SP1: variants seen among roughly 807,000 people sequenced by gnomAD.
SP1 encodes transcription factor Sp1.
SP1 carries 6 observed loss-of-function variants against 66.3 expected under a neutral mutation model. The observed-to-expected ratio is 0.09, with a 90% CI of 0.05 to 0.18. SP1 has a LOEUF of 0.18. Ranked by LOEUF, SP1 falls within the 10% of genes least tolerant of loss-of-function variation. The pLI is 1.00. For missense variants in SP1, 848 were observed against 964.5 expected, an observed-to-expected ratio of 0.88 and a Z score of 1.60; for synonymous variants, 417 against 360.8, an observed-to-expected ratio of 1.16 and a Z score of -1.77.
At chr12:53,393,765 T>C (rs1220231284) in intron 3 of SP1, among the ~76,000 whole-genome samples, 2 of 151,584 alleles carry the variant, frequency 1.3e-5, no homozygotes, top group East Asian at 3.9e-4. Context: ...GCCCAGCTAA[T>C]TTTTGTATTT....
At chr12:53,405,694 A>G (rs1481188494) in intron 3 of SP1, among the ~76,000 whole-genome samples, 2 of 135,444 alleles carry the variant, frequency 1.5e-5, no homozygotes, top group African/African-American at 7.6e-5. Context: ...AGAGAGAGAG[A>G]GAAGGAAGGA....
At position 53,381,008 on chromosome 12, in the gene SP1, A is replaced by G. The variant is rs1327141744; in HGVS notation, c.8-651A>G. Among the ~76,000 whole-genome samples the G allele has an allele frequency of 2.2e-5, 3 of 139,278 alleles. No homozygotes were observed. In the Admixed American group the frequency reaches 2.2e-4, roughly 10 times the overall value. The allele number at this position is 139,278 out of a possible 152,430, so 91.4% of individuals were successfully genotyped here. A position where few individuals can be genotyped will look rare whatever the true frequency, so the allele number is the denominator to read the frequency against. The stretch of plus-strand genomic sequence containing the variant: ...CTCTTGTTACCCAGACTGGAATGCA[A>G]TGGTGCGATCTCGGCTCACTGCAAC... On this transcript the variant is annotated intron_variant, in intron 1 of 5. Coordinates refer to ENST00000327443, the MANE Select transcript of SP1 (RefSeq NM_138473.3).
At chr12:53,394,488 C>CCTTGACCT (rs1188607942) in intron 3 of SP1, among the ~76,000 whole-genome samples, 1 of 100,476 alleles carries the variant, frequency 1.0e-5, no homozygotes, top group African/African-American at 3.9e-5. Context: ...CTACTGCAGC[C>CCTTGACCT]CTTGACCTCC....
Position 53,380,176 on chromosome 12 carries a change from A to AC in SP1, c.-108dup, listed in dbSNP as rs1322187105. 5.3e-4 allele frequency: 321 copies of AC among 602,368 alleles called. No homozygotes were observed. Among genetic ancestry groups the AC allele is most frequent in the African/African-American group, 1.9e-3 (82 of 43,076 alleles). 37.3% of individuals were successfully genotyped at this position (602,368 alleles called of 1,614,324 possible). On this transcript the variant is annotated 5_prime_UTR_variant, in exon 1 of 6. Coordinates refer to ENST00000327443, the MANE Select transcript of SP1 (RefSeq NM_138473.3). ...TGTGGCGCGCTGCTCCCTCCTCCTT[A>AC]CCCCCCCCTCCCTGTCCGGTCCGGG... is the stretch of plus-strand genomic sequence containing the variant.
At chr12:53,388,834 C>A (rs906750961) in intron 3 of SP1, among the ~76,000 whole-genome samples, 1 of 151,750 alleles carries the variant, frequency 6.6e-6, no homozygotes, top group African/African-American at 2.4e-5. Flanking sequence ...ATGAAAATTA[C>A]CTGAGCATGG....
intron 3 of SP1, among the ~76,000 whole-genome samples, chr12:53,402,964 A>G (rs1355728876): frequency 6.7e-6 from 1 of 149,738 alleles, no homozygotes; most frequent in Non-Finnish European, 1.5e-5. Flanking sequence ...CAGAGATTCC[A>G]TCTCAGAAAA....
intron 3 of SP1, among the ~76,000 whole-genome samples, chr12:53,384,079 C>T (rs1938171650): frequency 6.6e-6 from 1 of 150,926 alleles, no homozygotes; most frequent in South Asian, 2.1e-4. Context: ...ACGCCATTCT[C>T]CTGCCTCAGC....
chr12:53,385,929 T>A (rs1727951657), intron 3 of SP1, among the ~76,000 whole-genome samples: 1 of 148,446 alleles, frequency 6.7e-6, no homozygotes, highest in East Asian at 2.0e-4. Flanking sequence ...AAAAAAAAAA[T>A]TGATTATGAA....
rs180925469 is a variant in SP1, at chr12:53,400,874, G to A, written c.1676-5711G>A. ...CCTCCCAGGTTCACGCCATTCTCCT[G>A]CCTCAGCCTCCTGAGTAGCTGGTAC... On this transcript the variant is annotated intron_variant, in intron 3 of 5. Transcript: ENST00000327443. Among the ~76,000 whole-genome samples, 62 of 149,104 alleles carry A rather than the reference G, an allele frequency of 4.2e-4. 1 individual carries two copies. In the East Asian group the frequency reaches 0.012, roughly 29 times the overall value.
intron 3 of SP1, among the ~76,000 whole-genome samples, chr12:53,404,542 C>CA (rs373558863): frequency 0.26 from 25,022 of 95,442 alleles, 2,217 homozygotes; most frequent in Admixed American, 0.3. Context: ...AACTCAGTCT[C>CA]AAAAAAAAAA....
intron 3 of SP1, among the ~76,000 whole-genome samples, chr12:53,387,528 T>C (rs1360039050): frequency 6.6e-6 from 1 of 152,158 alleles, no homozygotes; most frequent in Non-Finnish European, 1.5e-5. Flanking sequence ...AAGTTAGAGC[T>C]GGAAGGGACT....
chr12:53,381,540 A>G (rs924030207), intron 1 of SP1, 119 bp from the exon 2 acceptor site: 3 of 855,098 alleles, frequency 3.5e-6, no homozygotes, highest in Admixed American at 3.0e-5. Flanking sequence ...TTTTCTTTAT[A>G]CTGGTGGCTT....
rs965722062 is a variant in SP1 at position 53,413,397 on chromosome 12, A to G, written c.*2157A>G. ...TACAAATAGATGATGGTATGATTCTATTATATATTTTATATAAAATCCATC... is the reference window on the plus strand; with the variant it reads ...TACAAATAGATGATGGTATGATTCTGTTATATATTTTATATAAAATCCATC... On this transcript the variant is annotated 3_prime_UTR_variant, in exon 6 of 6. Transcript: ENST00000327443. 6.6e-6 allele frequency: 1 copy of G among 152,440 alleles called. No individual in the cohort carries two copies. Among genetic ancestry groups the G allele is most frequent in the African/African-American group, 2.4e-5 (1 of 41,442 alleles). 9.4% of individuals were successfully genotyped at this position (152,440 alleles called of 1,614,324 possible).
intron 1 of SP1, chr12:53,381,350 T>A (rs1262121128): frequency 2.4e-5 from 5 of 205,808 alleles, no homozygotes; most frequent in Non-Finnish European, 4.9e-5. Context: ...CTTAGGATAC[T>A]TTTTCTTATT....
At chr12:53,390,843 AG>A (rs1938333024) in intron 3 of SP1, among the ~76,000 whole-genome samples, 1 of 152,152 alleles carries the variant, frequency 6.6e-6, no homozygotes. Flanking sequence ...GGGCCATTTT[AG>A]TTCTTAATTA....
chr12:53,394,815 C>T (rs559582126), intron 3 of SP1, among the ~76,000 whole-genome samples: 3 of 151,488 alleles, frequency 2.0e-5, no homozygotes, highest in East Asian at 2.0e-4. Flanking sequence ...GGGTTTTCAC[C>T]GTGTTAGCCA....
chr12:53,380,407 G>A (rs1266049519), intron 1 of SP1, 109 bp downstream of exon 1: 15 of 1,015,224 alleles, frequency 1.5e-5, no homozygotes, highest in Non-Finnish European at 2.0e-5. Flanking sequence ...GGGAGGCGGC[G>A]GCGGCGGCGG....
rs1410364755 is a variant in SP1 at position 53,415,399 on chromosome 12, C to G, written c.*4159C>G. The G allele has an allele frequency of 6.6e-6, 1 of 152,304 alleles. No homozygotes were observed. The highest frequency in any genetic ancestry group is 2.4e-5 in the African/African-American group (1 of 41,358). The allele number at this position is 152,304 out of a possible 1,614,324, so 9.4% of individuals were successfully genotyped here. On this transcript the variant is annotated 3_prime_UTR_variant, in exon 6 of 6. Coordinates refer to ENST00000327443, the MANE Select transcript of SP1 (RefSeq NM_138473.3). ...CAAATTTGGCTCACTTGCCTTAGAT[C>G]CAAGGCAGGGAAAGGAAAAGAAGGG...
intron 3 of SP1, among the ~76,000 whole-genome samples, chr12:53,390,966 A>G (rs961570802): frequency 3.3e-5 from 5 of 152,170 alleles, no homozygotes; most frequent in Non-Finnish European, 5.9e-5. Context: ...AATTCTGCTC[A>G]TGACTTGCTT....
Sources: allele counts gnomAD v4.1 joint callset (sites outside exome capture counted in the v4.1 genomes callset), GRCh38; gene constraint gnomAD v4.1.1; transcripts MANE v1.5; gene names NCBI Gene and HGNC (gene_info 2026-07-23, HGNC 2026-07-21).